Variants in NALF1 observed in about 807,000 individuals in gnomAD.
NALF1 encodes family with sequence similarity 155 member A.
A neutral mutation model predicts 48.4 loss-of-function variants in NALF1; 3 were observed. The observed-to-expected ratio is 0.06, with a 90% CI of 0.03 to 0.16. The LOEUF (loss-of-function observed/expected upper bound fraction) is 0.16. Among genes scored for constraint, NALF1 ranks in the 10% least tolerant of loss-of-function variants. The pLI is 1.00. For synonymous variants in NALF1, 262 were observed against 245.7 expected (o/e 1.07, Z -0.62); for missense variants, 526 against 571.5 (o/e 0.92, Z 0.81).
intron 1 of NALF1, among the ~76,000 whole-genome samples, chr13:107,524,148 T>C (rs1206671566): frequency 1.3e-5 from 2 of 152,166 alleles, no homozygotes; most frequent in East Asian, 3.9e-4. Context: ...GGGTACTTCT[T>C]AACAACCTGC....
chr13:107,286,159 TG>T (rs1881488823), intron 1 of NALF1, among the ~76,000 whole-genome samples: 1 of 152,116 alleles, frequency 6.6e-6, no homozygotes, highest in Non-Finnish European at 1.5e-5. Context: ...ACATTGTTGG[TG>T]GGAATATAAA....
chr13:107,520,742 A>C (rs1876210260), intron 1 of NALF1, among the ~76,000 whole-genome samples: 1 of 152,168 alleles, frequency 6.6e-6, no homozygotes, highest in Non-Finnish European at 1.5e-5. Flanking sequence ...GCATCATAGA[A>C]CGTTTGCATC....
intron 1 of NALF1, among the ~76,000 whole-genome samples, chr13:107,737,579 A>T (rs1876503129): frequency 6.6e-6 from 1 of 152,192 alleles, no homozygotes; most frequent in African/African-American, 2.4e-5. Flanking sequence ...TTAATCCAAA[A>T]AAAATTGCTG....
intron 1 of NALF1, among the ~76,000 whole-genome samples, chr13:107,436,161 A>AT (rs1884461213): frequency 6.6e-6 from 1 of 152,214 alleles, no homozygotes; most frequent in African/African-American, 2.4e-5. Context: ...TTCTTAAAAC[A>AT]TTTTTAAATA....
chr13:107,489,035 T>C (rs1711235458), intron 1 of NALF1, among the ~76,000 whole-genome samples: 1 of 151,894 alleles, frequency 6.6e-6, no homozygotes, highest in African/African-American at 2.4e-5. Context: ...GCAACAAAAA[T>C]AATAAAATAC....
At chr13:107,813,764 A>G (rs1879074622) in intron 1 of NALF1, among the ~76,000 whole-genome samples, 1 of 152,142 alleles carries the variant, frequency 6.6e-6, no homozygotes, top group Non-Finnish European at 1.5e-5. Context: ...GTATAAATCC[A>G]TCAGACCTTC....
chr13:107,738,454 C>T (rs186309875), intron 1 of NALF1, among the ~76,000 whole-genome samples: 4 of 152,220 alleles, frequency 2.6e-5, no homozygotes, highest in South Asian at 2.1e-4. Context: ...ATTTTCTCCC[C>T]GTTCCCTTGT....
intron 1 of NALF1, among the ~76,000 whole-genome samples, chr13:107,769,508 G>A (rs543156404): frequency 2.9e-4 from 39 of 136,760 alleles, no homozygotes; most frequent in South Asian, 5.0e-4. Flanking sequence ...CATGGACACA[G>A]GAAGGGGAAT....
At chr13:107,457,884 C>T (rs1221078888) in intron 1 of NALF1, among the ~76,000 whole-genome samples, 1 of 152,142 alleles carries the variant, frequency 6.6e-6, no homozygotes, top group Non-Finnish European at 1.5e-5. Flanking sequence ...AGACATTTCC[C>T]AGTGCAAACA....
chr13:107,571,134 C>T (rs750832979), intron 1 of NALF1, among the ~76,000 whole-genome samples: 13 of 152,152 alleles, frequency 8.5e-5, no homozygotes, highest in Non-Finnish European at 1.9e-4. Flanking sequence ...GCCCCCAGTT[C>T]CTGACACTTA....
intron 1 of NALF1, among the ~76,000 whole-genome samples, chr13:107,781,835 A>G (rs1393314938): frequency 2.6e-5 from 4 of 152,182 alleles, no homozygotes; most frequent in Non-Finnish European, 5.9e-5. Context: ...GTGGACAACT[A>G]ATACAAGTTT....
intron 1 of NALF1, among the ~76,000 whole-genome samples, chr13:107,272,097 C>T (rs1483943380): frequency 6.6e-6 from 1 of 151,232 alleles, no homozygotes; most frequent in Non-Finnish European, 1.5e-5. Flanking sequence ...GTCTCAATAT[C>T]ATATTTGTAC....
In NALF1 at chr13:107,278,410, C is replaced by T. The variant is rs369201724; in HGVS notation, c.916-67655G>A. On this transcript the variant is annotated intron_variant, in intron 1 of 2. Transcript: ENST00000375915. ...ATGCAAAGAAGATAATGTAAGGCAT[C>T]AGACTGTAAGCTCCCTGGAATTAAG... Among the ~76,000 whole-genome samples the T allele has an allele frequency of 3.2e-4, 49 of 152,296 alleles. 1 individual carries two copies. The highest frequency in any genetic ancestry group is 1.0e-3 in the African/African-American group (42 of 41,556).
intron 1 of NALF1, among the ~76,000 whole-genome samples, chr13:107,557,659 T>C (rs72652759): frequency 0.2 from 30,117 of 151,914 alleles, 3,145 homozygotes; most frequent in South Asian, 0.26. Flanking sequence ...CTTTTTGAGA[T>C]GGAAGAAAAC....
intron 1 of NALF1, among the ~76,000 whole-genome samples, chr13:107,271,774 CTATATATATATATATATATATATATA>C (rs397838456): frequency 1.1e-4 from 3 of 27,622 alleles, no homozygotes; most frequent in African/African-American, 2.9e-4. Context: ...TGCTACTGGA[CTATATATATATATATATATATATATA>C]TATATATATA....
intron 1 of NALF1, among the ~76,000 whole-genome samples, chr13:107,570,679 T>A (rs763116478): frequency 3.9e-4 from 59 of 151,776 alleles, no homozygotes; most frequent in Non-Finnish European, 1.3e-4. Flanking sequence ...ACATATTTAT[T>A]TTTAAAAGCA....
Position 107,857,139 on chromosome 13 carries a change from T to C in NALF1, c.915+8543A>G, listed in dbSNP as rs370985079. ...ATTCATGCAGCACAGCTTCCAGGCT[T>C]TTCTTCAACCTGCTCCATCTTCTCT... is the stretch of plus-strand genomic sequence containing the variant. On this transcript the variant is annotated intron_variant, in intron 1 of 2. Coordinates refer to ENST00000375915, the MANE Select transcript of NALF1 (RefSeq NM_001080396.3). Among the ~76,000 whole-genome samples, 12 of 152,200 alleles carry C rather than the reference T, an allele frequency of 7.9e-5. No individual in the cohort carries two copies. The East Asian group carries it at 1.9e-3, about 24-fold the overall frequency.
intron 1 of NALF1, among the ~76,000 whole-genome samples, chr13:107,213,230 CAAA>C (rs386380636): frequency 0.32 from 32,866 of 103,476 alleles, 4,689 homozygotes; most frequent in Middle Eastern, 0.46. Flanking sequence ...TTTTTTAACT[CAAA>C]AAAAAAAAAA....
At chr13:107,310,354 G>A (rs1045355747) in intron 1 of NALF1, among the ~76,000 whole-genome samples, 9 of 150,452 alleles carry the variant, frequency 6.0e-5, no homozygotes, top group Admixed American at 2.7e-4. Context: ...AGGTTACAGC[G>A]AGGCAAGATC....
Sources: gnomAD v4.1 joint callset for allele counts (sites outside exome capture counted in the v4.1 genomes callset) on GRCh38, gnomAD v4.1.1 for gene constraint, MANE v1.5 for transcripts, NCBI Gene and HGNC (gene_info 2026-07-23, HGNC 2026-07-21) for gene names.